The following ALS2CL variants were observed in gnomAD, a reference collection of about 807,000 sequenced individuals.
ALS2CL encodes ALS2 C-terminal like.
A neutral mutation model predicts 127.9 loss-of-function variants in ALS2CL; 112 were observed. The observed-to-expected ratio is 0.88, with a 90% CI of 0.75 to 1.02. The LOEUF is 1.02. Among genes scored for constraint, ALS2CL ranks in the 50% least tolerant of loss-of-function variants. The pLI is 0.00. For missense variants in ALS2CL, 1,174 were observed against 1,236.7 expected (o/e 0.95, Z 0.76); for synonymous variants, 519 against 527.6 (o/e 0.98, Z 0.22).
At chr3:46,688,402 A>G in intron 2 of ALS2CL, 106 bp from the exon 3 acceptor site, 1 of 1,082,248 alleles carries the variant, frequency 9.2e-7, no homozygotes, top group Non-Finnish European at 1.3e-6. Context: ...AGCACCGGCC[A>G]GCCCTGGAGC....
Position 46,689,461 on chromosome 3 carries a change from G to T in ALS2CL, c.-21C>A, listed in dbSNP as rs757007805. 6.3e-7 allele frequency: 1 copy of T among 1,585,428 alleles called. No individual in the cohort carries two copies. Among genetic ancestry groups the T allele is most frequent in the South Asian group, 1.2e-5 (1 of 86,930 alleles). ...CACATGGCCAGGTGCCGGACTCAGGGCCTCCTAGGTAGGGCACAGGTTACA... is the reference window on the plus strand; with the variant it reads ...CACATGGCCAGGTGCCGGACTCAGGTCCTCCTAGGTAGGGCACAGGTTACA... On this transcript the variant is annotated 5_prime_UTR_variant, in exon 2 of 26. Transcript: ENST00000318962.
chr3:46,680,371 G>C, intron 14 of ALS2CL, 59 bp downstream of exon 14: 5 of 1,520,498 alleles, frequency 3.3e-6, no homozygotes, highest in Non-Finnish European at 4.5e-6. Flanking sequence ...CTCAGCCTCA[G>C]TGCCCCCAGC....
chr3:46,684,508 G>A (rs1220783445), intron 7 of ALS2CL, among the ~76,000 whole-genome samples: 2 of 152,214 alleles, frequency 1.3e-5, no homozygotes, highest in Non-Finnish European at 2.9e-5. Context: ...TACCTGGAAT[G>A]CCATCCTGCT....
At chr3:46,673,824 C>G (rs1698597067) in intron 21 of ALS2CL, among the ~76,000 whole-genome samples, 1 of 152,040 alleles carries the variant, frequency 6.6e-6, no homozygotes, top group Non-Finnish European at 1.5e-5. Flanking sequence ...AGATGCAGGA[C>G]ACAGTCACCA....
chr3:46,676,561 C>A (rs960035427), intron 18 of ALS2CL, 81 bp downstream of exon 18: 3 of 1,557,478 alleles, frequency 1.9e-6, no homozygotes, highest in Non-Finnish European at 2.6e-6. Flanking sequence ...CAGTCAGCAC[C>A]CTGCTATGAA....
intron 15 of ALS2CL, among the ~76,000 whole-genome samples, chr3:46,678,680 A>AGGGGCTG (rs1264903277): frequency 6.6e-6 from 1 of 152,182 alleles, no homozygotes; most frequent in Non-Finnish European, 1.5e-5. Flanking sequence ...ACCACCACTG[A>AGGGGCTG]GGGGCTGGGG....
In ALS2CL at chr3:46,676,490, A is replaced by G. The variant is rs1297809717; in HGVS notation, c.2029-88T>C. 5.7e-6 allele frequency: 9 copies of G among 1,580,282 alleles called. No homozygotes were observed. The African/African-American group carries it at 1.1e-4, about 19-fold the overall frequency. ...ACACCAGCCTCCCAACACTTCTCCC[A>G]TCTCATACACGAGAACACTGAGGTC... is the stretch of plus-strand genomic sequence containing the variant. On this transcript the variant is annotated intron_variant, in intron 18 of 25. Coordinates refer to ENST00000318962, the MANE Select transcript of ALS2CL (RefSeq NM_147129.5).
Position 46,676,239 on chromosome 3 carries a change from G to A in ALS2CL, c.2186+6C>T. 5 of 1,611,548 alleles carry A rather than the reference G, an allele frequency of 3.1e-6. No individual in the cohort carries two copies. Among genetic ancestry groups the A allele is most frequent in the East Asian group, 4.5e-5 (2 of 44,842 alleles). On this transcript the variant is annotated splice_donor_region_variant and intron_variant, in intron 19 of 25. Transcript: ENST00000318962. ...CAGTAGCTGTCCCGTTTGCCACCGA[G>A]CCCACCTGTAGGCAGCCCAGAGTTC... is the stretch of plus-strand genomic sequence containing the variant.
chr3:46,683,729 C>T lies in ALS2CL; in HGVS notation c.912+53G>A, dbSNP rs1699546678. 19 of 1,594,442 alleles carry T rather than the reference C, an allele frequency of 1.2e-5. No homozygotes were observed. In the South Asian group the frequency reaches 2.0e-4, roughly 17 times the overall value. On this transcript the variant is annotated intron_variant, in intron 9 of 25. Transcript: ENST00000318962. ...CAGGGTTGCATACTTCTGCCCTCTTCCTACCCTGTCCTCTGACCCCGCTCC... is the reference window on the plus strand; with the variant it reads ...CAGGGTTGCATACTTCTGCCCTCTTTCTACCCTGTCCTCTGACCCCGCTCC...
At position 46,687,137 on chromosome 3, in the gene ALS2CL, C is replaced by T. The variant is rs756342748; in HGVS notation, c.380G>A (p.Arg127Gln). The T allele has an allele frequency of 8.5e-5, 133 of 1,571,574 alleles. No homozygotes were observed. The highest frequency in any genetic ancestry group is 1.0e-4 in the Non-Finnish European group (121 of 1,166,256). Residue 127 changes from arginine (R) to glutamine (Q), a missense_variant, in exon 5 of 26, where the codon CGG becomes CAG. By Grantham distance (43) the Arg-to-Gln change is conservative. Coordinates refer to ENST00000318962, the MANE Select transcript of ALS2CL (RefSeq NM_147129.5). ...KAAKRRSEYWRGQRKALRQLL... is the reference protein window; with the variant it reads ...KAAKRRSEYWQGQRKALRQLL... Reference sequence around the variant, plus strand: ...CTGCCGCAGCGCCTTCCGCTGGCCCCGCCAGTACTCGCTGCGTGTAGAGAG... The same window carrying T: ...CTGCCGCAGCGCCTTCCGCTGGCCCTGCCAGTACTCGCTGCGTGTAGAGAG...
At chr3:46,672,229 G>A in intron 22 of ALS2CL, 28 bp from the exon 23 acceptor site, 1 of 1,613,154 alleles carries the variant, frequency 6.2e-7, no homozygotes. Context: ...TGGGCTGGAT[G>A]AGGCCATGGC....
Position 46,687,680 on chromosome 3 carries a change from T to G in ALS2CL, c.307A>C (p.Ile103Leu). Reference protein sequence around the residue: ...DRVLQAHIEYIESYTSCMVVQ... With the variant: ...DRVLQAHIEYLESYTSCMVVQ... Reference sequence around the variant, plus strand: ...ACCATGCAGCTTGTGTAGGACTCAATGTACCTGCAGGCAGCACAGGGGACA... The same window carrying G: ...ACCATGCAGCTTGTGTAGGACTCAAGGTACCTGCAGGCAGCACAGGGGACA... The change falls in exon 4 of 26, where the codon ATT becomes CTT. Residue 103 changes from isoleucine (I) to leucine (L), a missense_variant. Coordinates refer to ENST00000318962, the MANE Select transcript of ALS2CL (RefSeq NM_147129.5). 1 of 1,612,596 alleles carries G rather than the reference T, an allele frequency of 6.2e-7. No individual in the cohort carries two copies. The highest frequency in any genetic ancestry group is 8.5e-7 in the Non-Finnish European group (1 of 1,179,406).
intron 1 of ALS2CL, among the ~76,000 whole-genome samples, chr3:46,689,863 G>T (rs1004917495): frequency 6.6e-6 from 1 of 152,174 alleles, no homozygotes; most frequent in Non-Finnish European, 1.5e-5. Context: ...CAGGGATTCT[G>T]CAGTCTCTAT....
At position 46,688,300 on chromosome 3, in the gene ALS2CL, G is replaced by A; in HGVS notation, c.104-4C>T. 1 of 1,611,946 alleles carries A rather than the reference G, an allele frequency of 6.2e-7. No homozygotes were observed. Among genetic ancestry groups the A allele is most frequent in the Non-Finnish European group, 8.5e-7 (1 of 1,179,608 alleles). ...CAGGGATCCGAGGGATCTGGGGCTGGGGAAGGAGTACAGTCACACTGTGAG... is the reference window on the plus strand; with the variant it reads ...CAGGGATCCGAGGGATCTGGGGCTGAGGAAGGAGTACAGTCACACTGTGAG... On this transcript the variant is annotated splice_polypyrimidine_tract_variant and splice_region_variant and intron_variant, in intron 2 of 25. Transcript: ENST00000318962.
At chr3:46,692,221 T>A (rs1404026705) in intron 1 of ALS2CL, among the ~76,000 whole-genome samples, 1 of 152,106 alleles carries the variant, frequency 6.6e-6, no homozygotes, top group African/African-American at 2.4e-5. Flanking sequence ...TGGGGCTTCA[T>A]CCTGGAAGTG....
Position 46,681,940 on chromosome 3 carries a change from G to T in ALS2CL, c.1175+89C>A. ...TCCTGCTTGAGGTTTGGGAATTCAG[G>T]ATGGGGCCGGGCTGGTGACCACAGC... On this transcript the variant is annotated intron_variant, in intron 11 of 25. Transcript: ENST00000318962. The surrounding 1 kb of genome is among the most constrained non-coding windows in gnomAD (Gnocchi z 4.9). 3.4e-6 allele frequency: 5 copies of T among 1,460,042 alleles called. No homozygotes were observed. The South Asian group carries it at 6.0e-5, about 18-fold the overall frequency. The allele number at this position is 1,460,042 out of a possible 1,614,324, so 90.4% of individuals were successfully genotyped here.
In ALS2CL at chr3:46,681,299, G is replaced by C. The variant is rs532522967; in HGVS notation, c.1383C>G (p.Gly461=). The C allele has an allele frequency of 6.6e-5, 106 of 1,613,882 alleles. 1 individual carries two copies. The Middle Eastern group carries it at 1.2e-3, about 18-fold the overall frequency. The change falls in exon 13 of 26, where the codon GGC becomes GGG. Residue 461 remains glycine, a synonymous_variant. Transcript: ENST00000318962. This position sits in a 1 kb window ranked among gnomAD's most constrained non-coding sequence, Gnocchi z 4.9. ...PQAPQPFRYT[G]HWERGQRSGY... is the part of the protein sequence containing the mutation. ...CGCTCCTCTGGCCCCTCTCCCAGTGGCCCGTGTACCTGAAGGGCTGGGGGG... is the reference window on the plus strand; with the variant it reads ...CGCTCCTCTGGCCCCTCTCCCAGTGCCCCGTGTACCTGAAGGGCTGGGGGG...
intron 13 of ALS2CL, 77 bp from the exon 14 acceptor site, chr3:46,680,618 G>T: frequency 7.5e-7 from 1 of 1,338,032 alleles, no homozygotes; most frequent in Non-Finnish European, 1.1e-6. Context: ...CTGGCACGGG[G>T]CGGCAGGGAG....
Position 46,686,248 on chromosome 3 carries a change from A to C in ALS2CL, c.666+60T>G. The C allele has an allele frequency of 6.5e-7, 1 of 1,529,564 alleles. No homozygotes were observed. The highest frequency in any genetic ancestry group is 8.8e-7 in the Non-Finnish European group (1 of 1,137,876). The allele number at this position is 1,529,564 out of a possible 1,614,324, so 94.7% of individuals were successfully genotyped here. On this transcript the variant is annotated intron_variant, in intron 6 of 25. Transcript: ENST00000318962. This position sits in a 1 kb window ranked among gnomAD's most constrained non-coding sequence, Gnocchi z 4.3. ...ATACAGCAAGCAGCTCAAGCCCCCC[A>C]ACATCTCCATGCCCAATGTGGAACC... is the stretch of plus-strand genomic sequence containing the variant.
Sources: allele counts gnomAD v4.1 joint callset (sites outside exome capture counted in the v4.1 genomes callset), GRCh38; gene constraint gnomAD v4.1.1; non-coding constraint Gnocchi (gnomAD v3.1); transcripts MANE v1.5; gene names NCBI Gene and HGNC (gene_info 2026-07-23, HGNC 2026-07-21).